The following SV2B variants were observed in gnomAD, a reference collection of about 807,000 sequenced individuals.
SV2B encodes the protein solute carrier family 22 member B2.
In SV2B, 41 loss-of-function variants were observed where a neutral mutation model predicts 73.9. The observed-to-expected ratio is 0.56, with a 90% CI of 0.43 to 0.72. The LOEUF (loss-of-function observed/expected upper bound fraction) is 0.72. Ranked by LOEUF, SV2B falls within the 30% of genes least tolerant of loss-of-function variation. The pLI is 0.00. For synonymous variants in SV2B, 314 were observed against 314.2 expected (o/e 1.00, Z 0.01); for missense variants, 764 against 857.8 (o/e 0.89, Z 1.37).
rs768392566 is a variant in SV2B at position 91,110,977 on chromosome 15, G to A, written c.-392+10614G>A. 5.3e-5 allele frequency among the ~76,000 whole-genome samples: 8 copies of A among 152,226 alleles called. No individual in the cohort carries two copies. The highest frequency in any genetic ancestry group is 1.2e-4 in the Non-Finnish European group (8 of 68,034). On this transcript the variant is annotated intron_variant, in intron 1 of 12. Coordinates refer to ENST00000394232, the MANE Select transcript of SV2B (RefSeq NM_001323032.3). The surrounding 1 kb of genome is among the most constrained non-coding windows in gnomAD (Gnocchi z 5.4). ...AATGGGACAATGGAGAAGTAGATGA[G>A]AAAGGGTATATGAAAACACGGTGGG...
intron 1 of SV2B, among the ~76,000 whole-genome samples, chr15:91,181,534 A>T (rs115363840): frequency 5.6e-4 from 84 of 151,326 alleles, no homozygotes; most frequent in African/African-American, 2.0e-3. Context: ...TTCAACCATG[A>T]CTCCTACATG....
intron 1 of SV2B, among the ~76,000 whole-genome samples, chr15:91,101,661 G>C (rs1163564220): frequency 6.6e-6 from 1 of 152,088 alleles, no homozygotes; most frequent in Non-Finnish European, 1.5e-5. Flanking sequence ...TAGGCATGGC[G>C]TGGATTTCAG....
At chr15:91,182,847 C>G (rs780406970) in intron 1 of SV2B, among the ~76,000 whole-genome samples, 2 of 152,312 alleles carry the variant, frequency 1.3e-5, no homozygotes, top group South Asian at 2.1e-4. Flanking sequence ...AAACCAAACT[C>G]AAATGCATGT....
rs367942173 is a variant in SV2B at position 91,266,587 on chromosome 15, C to T, written c.1014C>T (p.Ser338=). Residue 338 remains serine, a synonymous_variant, in exon 7 of 13, where the codon TCC becomes TCT. Coordinates refer to ENST00000394232, the MANE Select transcript of SV2B (RefSeq NM_001323032.3). Reference sequence around the variant, plus strand: ...ATCCTATTTTTACTTTTCAGGTTTCCAACATCAAAACTCCCAAGCAAATGG... The same window carrying T: ...ATCCTATTTTTACTTTTCAGGTTTCTAACATCAAAACTCCCAAGCAAATGG... The part of the protein sequence containing the change: ...KGTPEKVFTV[S]NIKTPKQMDE... The T allele has an allele frequency of 3.7e-6, 6 of 1,613,216 alleles. No homozygotes were observed. The highest frequency in any genetic ancestry group is 5.1e-6 in the Non-Finnish European group (6 of 1,179,616).
At chr15:91,192,871 C>T (rs1469786743) in intron 1 of SV2B, among the ~76,000 whole-genome samples, 2 of 152,212 alleles carry the variant, frequency 1.3e-5, no homozygotes, top group African/African-American at 2.4e-5. Flanking sequence ...TTTCCAGGCA[C>T]CTGCTGTGCA....
At chr15:91,269,518 CA>C (rs1300639008) in intron 9 of SV2B, among the ~76,000 whole-genome samples, 4 of 152,300 alleles carry the variant, frequency 2.6e-5, no homozygotes, top group Admixed American at 2.6e-4. Flanking sequence ...ACAAAATTAA[CA>C]CCACGAATTC....
chr15:91,270,568 G>A (rs2048258734), intron 9 of SV2B, among the ~76,000 whole-genome samples: 1 of 152,210 alleles, frequency 6.6e-6, no homozygotes, highest in Non-Finnish European at 1.5e-5. Flanking sequence ...TGTTTTACAT[G>A]ATACTTTCTG....
chr15:91,115,294 T>C lies in SV2B; in HGVS notation c.-392+14931T>C, dbSNP rs2042147153. Among the ~76,000 whole-genome samples the C allele has an allele frequency of 1.3e-5, 2 of 152,176 alleles. No individual in the cohort carries two copies. Among genetic ancestry groups the C allele is most frequent in the South Asian group, 4.1e-4 (2 of 4,828 alleles). ...ACCACACACACTGAGCTGGCTTCTG[T>C]TGCTGAAATAAAGATAACACAGTGC... On this transcript the variant is annotated intron_variant, in intron 1 of 12. Coordinates refer to ENST00000394232, the MANE Select transcript of SV2B (RefSeq NM_001323032.3). This position sits in a 1 kb window ranked among gnomAD's most constrained non-coding sequence, Gnocchi z 4.3.
At chr15:91,235,479 A>G (rs1329653323) in intron 2 of SV2B, among the ~76,000 whole-genome samples, 1 of 152,182 alleles carries the variant, frequency 6.6e-6, no homozygotes, top group African/African-American at 2.4e-5. Context: ...CCAACCACCT[A>G]GCCAGCCAAC....
rs1274625750 is a variant in SV2B at position 91,214,342 on chromosome 15, T to C, written c.-391-11531T>C. 6.6e-6 allele frequency among the ~76,000 whole-genome samples: 1 copy of C among 152,204 alleles called. No individual in the cohort carries two copies. Among genetic ancestry groups the C allele is most frequent in the East Asian group, 1.9e-4 (1 of 5,204 alleles). On this transcript the variant is annotated intron_variant, in intron 1 of 12. Transcript: ENST00000394232. This position sits in a 1 kb window ranked among gnomAD's most constrained non-coding sequence, Gnocchi z 4.7. ...TCCTTTAGAGTGTGGTATGCATCTC[T>C]GCAGGAATTAGGGAATACCTAGGAA...
chr15:91,289,756 T>C lies in SV2B; in HGVS notation c.1868+76T>C. The C allele has an allele frequency of 6.7e-7, 1 of 1,491,302 alleles. No individual in the cohort carries two copies. Among genetic ancestry groups the C allele is most frequent in the African/African-American group, 1.4e-5 (1 of 71,318 alleles). 92.4% of individuals were successfully genotyped at this position (1,491,302 alleles called of 1,614,324 possible). ...CAGAAGTCTACCTGCTCCCTAAATC[T>C]CATGCTGTGCATGGCCATCGTGGTC... On this transcript the variant is annotated intron_variant, in intron 12 of 12. Coordinates refer to ENST00000394232, the MANE Select transcript of SV2B (RefSeq NM_001323032.3). This position sits in a 1 kb window ranked among gnomAD's most constrained non-coding sequence, Gnocchi z 4.9.
chr15:91,267,896 G>C lies in SV2B; in HGVS notation c.1208+253G>C, dbSNP rs2048162301. 6.6e-6 allele frequency among the ~76,000 whole-genome samples: 1 copy of C among 151,616 alleles called. No homozygotes were observed. The highest frequency in any genetic ancestry group is 2.4e-5 in the African/African-American group (1 of 41,168). On this transcript the variant is annotated intron_variant, in intron 8 of 12. Coordinates refer to ENST00000394232, the MANE Select transcript of SV2B (RefSeq NM_001323032.3). This position sits in a 1 kb window ranked among gnomAD's most constrained non-coding sequence, Gnocchi z 4.3. ...TGGCTCACTGCAGCCTGTGCCTCCT[G>C]GGTTCAAGCTATTCTCCTGCCTCAG...
chr15:91,202,965 C>A (rs943275070), intron 1 of SV2B, among the ~76,000 whole-genome samples: 1 of 152,182 alleles, frequency 6.6e-6, no homozygotes, highest in East Asian at 1.9e-4. Context: ...GGAGTGAGGG[C>A]TCCAGCCCTA....
At chr15:91,204,397 T>G (rs1467800138) in intron 1 of SV2B, among the ~76,000 whole-genome samples, 5 of 152,242 alleles carry the variant, frequency 3.3e-5, no homozygotes, top group African/African-American at 1.2e-4. Context: ...TTCTACTAGA[T>G]AGCACATGAA....
At chr15:91,125,627 T>C (rs2042454958) in intron 1 of SV2B, among the ~76,000 whole-genome samples, 1 of 151,274 alleles carries the variant, frequency 6.6e-6, no homozygotes, top group African/African-American at 2.4e-5. Flanking sequence ...CCAAAAAAAT[T>C]AGCCAGTCAT....
intron 2 of SV2B, among the ~76,000 whole-genome samples, chr15:91,251,455 C>A (rs190676483): frequency 6.6e-6 from 1 of 152,228 alleles, no homozygotes; most frequent in African/African-American, 2.4e-5. Flanking sequence ...TGGAAATTCT[C>A]TCCTTAAACA....
rs188126385 is a variant in SV2B at position 91,223,901 on chromosome 15, G to A, written c.-391-1972G>A. On this transcript the variant is annotated intron_variant, in intron 1 of 12. Coordinates refer to ENST00000394232, the MANE Select transcript of SV2B (RefSeq NM_001323032.3). The surrounding 1 kb of genome is among the most constrained non-coding windows in gnomAD (Gnocchi z 4.6). ...GTGTTATTTGTGGAAAATGCAGATT[G>A]CAGGGCCCTGCCCTATCCTGCAGAT... Among the ~76,000 whole-genome samples, 3 of 152,232 alleles carry A rather than the reference G, an allele frequency of 2.0e-5. No individual in the cohort carries two copies. Among genetic ancestry groups the A allele is most frequent in the Admixed American group, 6.5e-5 (1 of 15,286 alleles).
At chr15:91,274,931 A>G (rs1164115281) in intron 9 of SV2B, among the ~76,000 whole-genome samples, 6 of 152,142 alleles carry the variant, frequency 3.9e-5, no homozygotes, top group Non-Finnish European at 7.4e-5. Context: ...TAAGTTTACT[A>G]TCTGATATTA....
intron 1 of SV2B, among the ~76,000 whole-genome samples, chr15:91,135,095 G>C (rs946600675): frequency 7.3e-5 from 11 of 151,022 alleles, no homozygotes; most frequent in African/African-American, 2.7e-4. Flanking sequence ...GACCTCCCCA[G>C]CTCACGTGAT....
Sources: allele counts gnomAD v4.1 joint callset (sites outside exome capture counted in the v4.1 genomes callset), GRCh38; gene constraint gnomAD v4.1.1; non-coding constraint Gnocchi (gnomAD v3.1); transcripts MANE v1.5; gene names NCBI Gene and HGNC (gene_info 2026-07-23, HGNC 2026-07-21).